Variants in FAM210A observed in about 807,000 individuals in gnomAD.
FAM210A encodes family with sequence similarity 210 member A.
Under a neutral mutation model 25.3 loss-of-function variants are expected in FAM210A, and 13 were observed. That is an observed-to-expected ratio of 0.51 (90% CI 0.33 to 0.82). FAM210A has a LOEUF of 0.82. FAM210A is among the 40% of genes least tolerant of loss of function. The pLI, the probability that FAM210A is intolerant of heterozygous loss-of-function variation, is 0.02. For synonymous variants in FAM210A, 125 were observed against 118.7 expected (o/e 1.05, Z -0.35); for missense variants, 319 against 323.2 (o/e 0.99, Z 0.10).
Position 13,688,566 on chromosome 18 carries a change from G to A in FAM210A, c.-28-6461C>T, listed in dbSNP as rs2043616902. Reference sequence around the variant, plus strand: ...TCTCCATATTCATTATCCTTCAATCGTCTGCATGACCTCATTCCTCTTGGG... The same window carrying A: ...TCTCCATATTCATTATCCTTCAATCATCTGCATGACCTCATTCCTCTTGGG... On this transcript the variant is annotated intron_variant, in intron 1 of 3. Coordinates refer to ENST00000651643, the MANE Select transcript of FAM210A (RefSeq NM_152352.4). Among the ~76,000 whole-genome samples, 6 of 152,166 alleles carry A rather than the reference G, an allele frequency of 3.9e-5. No homozygotes were observed. In the South Asian group the frequency reaches 1.2e-3, roughly 32 times the overall value.
intron 1 of FAM210A, among the ~76,000 whole-genome samples, chr18:13,685,909 T>C (rs1196821673): frequency 6.6e-6 from 1 of 152,096 alleles, no homozygotes; most frequent in African/African-American, 2.4e-5. Context: ...ATAAGCTAAG[T>C]TACCTCCTTA....
At chr18:13,715,241 T>A (rs1425686659) in intron 1 of FAM210A, 1 of 152,186 alleles carries the variant, frequency 6.6e-6, no homozygotes, top group Non-Finnish European at 1.5e-5. Context: ...CTGGTGGTCC[T>A]CTGCTCCAGG....
intron 3 of FAM210A, among the ~76,000 whole-genome samples, chr18:13,668,826 TA>T (rs1323169262): frequency 4.6e-5 from 7 of 152,146 alleles, no homozygotes; most frequent in Non-Finnish European, 1.0e-4. Flanking sequence ...AAAGTTACAG[TA>T]AAAATATGAC....
chr18:13,713,679 C>A (rs1181480191), intron 1 of FAM210A, among the ~76,000 whole-genome samples: 2 of 150,384 alleles, frequency 1.3e-5, no homozygotes, highest in Admixed American at 1.3e-4. Flanking sequence ...GTCATTCCAT[C>A]TTCCACTGCT....
At chr18:13,688,205 C>G (rs1378868446) in intron 1 of FAM210A, among the ~76,000 whole-genome samples, 2 of 152,174 alleles carry the variant, frequency 1.3e-5, no homozygotes, top group Admixed American at 6.5e-5. Flanking sequence ...GAGCAGGAAG[C>G]CTGAAACCCA....
Position 13,712,304 on chromosome 18 carries a change from T to C in FAM210A, c.-29+14025A>G, listed in dbSNP as rs975829653. Among the ~76,000 whole-genome samples the C allele has an allele frequency of 1.3e-5, 2 of 152,240 alleles. 1 individual carries two copies. Among genetic ancestry groups the C allele is most frequent in the East Asian group, 3.8e-4 (2 of 5,204 alleles). ...ATGCTGGCCTTAGACTTTTCAGCTT[T>C]ATTACGAACCAGAAAACAACAGAGC... On this transcript the variant is annotated intron_variant, in intron 1 of 3. Transcript: ENST00000651643.
intron 1 of FAM210A, among the ~76,000 whole-genome samples, chr18:13,723,445 C>T (rs931143601): frequency 2.0e-5 from 3 of 152,210 alleles, no homozygotes; most frequent in African/African-American, 7.2e-5. Flanking sequence ...AAGGAACTGG[C>T]TCACACAACT....
chr18:13,694,502 C>A (rs546135486), intron 1 of FAM210A, among the ~76,000 whole-genome samples: 43 of 152,322 alleles, frequency 2.8e-4, no homozygotes, highest in African/African-American at 8.9e-4. Context: ...CAGCATGGTA[C>A]TGGTACCAAA....
chr18:13,695,030 A>C (rs1276643183), intron 1 of FAM210A, among the ~76,000 whole-genome samples: 1 of 152,230 alleles, frequency 6.6e-6, no homozygotes. Flanking sequence ...AGAAAAAATC[A>C]ACCCCATCAA....
At chr18:13,678,967 T>G (rs2043526601) in intron 2 of FAM210A, among the ~76,000 whole-genome samples, 1 of 152,222 alleles carries the variant, frequency 6.6e-6, no homozygotes, top group South Asian at 2.1e-4. Context: ...ACTAAAGCAC[T>G]TCTGGACATA....
chr18:13,695,280 T>A (rs1006688548), intron 1 of FAM210A, among the ~76,000 whole-genome samples: 1 of 152,170 alleles, frequency 6.6e-6, no homozygotes, highest in African/African-American at 2.4e-5. Flanking sequence ...TGTAAACTAG[T>A]TCAACCATTG....
At chr18:13,689,536 A>T (rs1318993463) in intron 1 of FAM210A, among the ~76,000 whole-genome samples, 1 of 152,196 alleles carries the variant, frequency 6.6e-6, no homozygotes, top group Non-Finnish European at 1.5e-5. Flanking sequence ...ACCTATTGCT[A>T]AACTCATCCA....
In FAM210A at chr18:13,714,865, C is replaced by T. The variant is rs142011652; in HGVS notation, c.-29+11464G>A. ...CATAATTGATTTGGTTATTCTCTTA[C>T]TCTTAGAAGCTTAGATTGTCCCCAG... On this transcript the variant is annotated intron_variant, in intron 1 of 3. Coordinates refer to ENST00000651643, the MANE Select transcript of FAM210A (RefSeq NM_152352.4). Among the ~76,000 whole-genome samples the T allele has an allele frequency of 1.6e-3, 237 of 152,210 alleles. 3 individuals carry two copies. Among genetic ancestry groups the T allele is most frequent in the Non-Finnish European group, 1.0e-4 (7 of 68,014 alleles).
intron 1 of FAM210A, 149 bp from the exon 2 acceptor site, chr18:13,682,254 T>A: frequency 1.6e-6 from 1 of 610,950 alleles, no homozygotes; most frequent in Non-Finnish European, 2.8e-6. Context: ...GTATAGAGTT[T>A]AAGCACAGTG....
intron 1 of FAM210A, among the ~76,000 whole-genome samples, chr18:13,686,451 AAAC>A (rs1192937988): frequency 1.1e-4 from 16 of 152,372 alleles, no homozygotes; most frequent in African/African-American, 3.8e-4. Context: ...AATTCCTGAC[AAAC>A]AACTCTTTAT....
At chr18:13,690,204 G>C (rs911545718) in intron 1 of FAM210A, among the ~76,000 whole-genome samples, 1 of 152,240 alleles carries the variant, frequency 6.6e-6, no homozygotes. Context: ...TGAGGCTGGG[G>C]GAGGGGCATC....
At chr18:13,694,075 C>T (rs1045350146) in intron 1 of FAM210A, among the ~76,000 whole-genome samples, 1 of 152,166 alleles carries the variant, frequency 6.6e-6, no homozygotes, top group Non-Finnish European at 1.5e-5. Flanking sequence ...TTCCTATACA[C>T]CAATAACAGA....
At chr18:13,672,768 C>T (rs903119872) in intron 2 of FAM210A, among the ~76,000 whole-genome samples, 1 of 151,226 alleles carries the variant, frequency 6.6e-6, no homozygotes, top group Admixed American at 6.6e-5. Context: ...TTTAACATCA[C>T]TTTAGTCTGT....
chr18:13,726,225 G>C (rs1032006837), intron 1 of FAM210A, 104 bp downstream of exon 1: 1 of 152,458 alleles, frequency 6.6e-6, no homozygotes, highest in African/African-American at 2.4e-5. Flanking sequence ...ACGCGGAGCA[G>C]TTGCCGGGTT....
Sources: allele counts gnomAD v4.1 joint callset (sites outside exome capture counted in the v4.1 genomes callset), GRCh38; gene constraint gnomAD v4.1.1; transcripts MANE v1.5; gene names NCBI Gene and HGNC (gene_info 2026-07-23, HGNC 2026-07-21).